The following KMT2C variants were observed in gnomAD, a reference collection of about 807,000 sequenced individuals.
The protein encoded by KMT2C is lysine methyltransferase 2C.
Under a neutral mutation model 507.9 loss-of-function variants are expected in KMT2C, and 88 were observed. The ratio of observed to expected loss-of-function variants is 0.17; its 90% CI spans 0.15 to 0.21. The LOEUF is 0.21. KMT2C is among the 10% of genes least tolerant of loss of function. KMT2C has a pLI of 1.00. For synonymous variants in KMT2C, 2,049 were observed against 2,080.8 expected (o/e 0.98, Z 0.42); for missense variants, 4,954 against 5,957.8 (o/e 0.83, Z 5.55).
At chr7:152,413,255 C>A (rs1199994385) in intron 1 of KMT2C, among the ~76,000 whole-genome samples, 1 of 152,094 alleles carries the variant, frequency 6.6e-6, no homozygotes, top group Admixed American at 6.6e-5. Context: ...GCTGGGACTA[C>A]TAACGCGGGC....
At chr7:152,336,260 GCTGTCTTTAA>G (rs2096934416) in intron 2 of KMT2C, among the ~76,000 whole-genome samples, 1 of 152,172 alleles carries the variant, frequency 6.6e-6, no homozygotes, top group African/African-American at 2.4e-5. Flanking sequence ...AATAACAGAA[GCTGTCTTTAA>G]CTGTCACTCT....
At position 152,355,310 on chromosome 7, in the gene KMT2C, C is replaced by T. The variant is rs145092405; in HGVS notation, c.250+3277G>A. ...ACAACAAAAATTTCCAGAGAGGACA[C>T]ACTAAATATGAGATCCTCTTCAGAC... On this transcript the variant is annotated intron_variant, in intron 2 of 58. Transcript: ENST00000262189. 4.4e-3 allele frequency among the ~76,000 whole-genome samples: 676 copies of T among 152,156 alleles called. 3 individuals carry two copies. Among genetic ancestry groups the T allele is most frequent in the African/African-American group, 0.016 (646 of 41,518 alleles).
Position 152,138,978 on chromosome 7 carries a change from T to C in KMT2C, c.14535-74A>G. 1 of 1,198,460 alleles carries C rather than the reference T, an allele frequency of 8.3e-7. No homozygotes were observed. Among genetic ancestry groups the C allele is most frequent in the Non-Finnish European group, 1.2e-6 (1 of 808,646 alleles). The allele number at this position is 1,198,460 out of a possible 1,614,324, so 74.2% of individuals were successfully genotyped here. A position where few individuals can be genotyped will look rare whatever the true frequency, so the allele number is the denominator to read the frequency against. Reference sequence around the variant, plus strand: ...GCTTTAAAAACTTCCCATTTATTGATAAAGCAGTTTTTGCTAATTAAATTT... The same window carrying C: ...GCTTTAAAAACTTCCCATTTATTGACAAAGCAGTTTTTGCTAATTAAATTT... On this transcript the variant is annotated intron_variant, in intron 57 of 58. Transcript: ENST00000262189. This position sits in a 1 kb window ranked among gnomAD's most constrained non-coding sequence, Gnocchi z 4.2.
intron 27 of KMT2C, among the ~76,000 whole-genome samples, chr7:152,197,024 T>C (rs552862179): frequency 1.3e-5 from 2 of 152,228 alleles, no homozygotes; most frequent in Admixed American, 6.5e-5. Flanking sequence ...GGCTGAAAGA[T>C]AGGAGATGAC....
intron 7 of KMT2C, among the ~76,000 whole-genome samples, chr7:152,272,943 T>C (rs79442780): frequency 2.0e-5 from 3 of 152,068 alleles, no homozygotes; most frequent in South Asian, 4.1e-4. Context: ...ATAAAAAAGA[T>C]TGAATAAAAT....
chr7:152,324,344 G>C (rs2096804101), intron 3 of KMT2C, among the ~76,000 whole-genome samples: 1 of 151,400 alleles, frequency 6.6e-6, no homozygotes, highest in South Asian at 2.1e-4. Context: ...ACAAATGAGA[G>C]TTAATCAAGG....
At chr7:152,300,868 G>A (rs549437643) in intron 6 of KMT2C, among the ~76,000 whole-genome samples, 1 of 152,114 alleles carries the variant, frequency 6.6e-6, no homozygotes, top group South Asian at 2.1e-4. Flanking sequence ...GACCATCCTA[G>A]CCAACATGGC....
intron 2 of KMT2C, among the ~76,000 whole-genome samples, chr7:152,341,864 G>C (rs1346085480): frequency 6.6e-6 from 1 of 152,152 alleles, no homozygotes; most frequent in Non-Finnish European, 1.5e-5. Flanking sequence ...TGAATTAGCA[G>C]CTAGACTCAA....
chr7:152,138,616 A>G lies in KMT2C; in HGVS notation c.14643+180T>C, dbSNP rs904091825. On this transcript the variant is annotated intron_variant, in intron 58 of 58. Coordinates refer to ENST00000262189, the MANE Select transcript of KMT2C (RefSeq NM_170606.3). This position sits in a 1 kb window ranked among gnomAD's most constrained non-coding sequence, Gnocchi z 4.2. The stretch of plus-strand genomic sequence containing the variant: ...GCTCACAGAGCTGCCATGTGGAGGA[A>G]GGTGAACTGGAGTGCCTGAAGGGTG... The G allele has an allele frequency of 4.1e-5, 21 of 510,694 alleles. No individual in the cohort carries two copies. The South Asian group carries it at 5.3e-4, about 13-fold the overall frequency. 31.6% of individuals were successfully genotyped at this position (510,694 alleles called of 1,614,324 possible).
chr7:152,385,607 G>A (rs1439485389), intron 1 of KMT2C, among the ~76,000 whole-genome samples: 1 of 31,488 alleles, frequency 3.2e-5, no homozygotes. Context: ...GCGAGACTCC[G>A]TCTCAAAAAA....
At chr7:152,377,197 GACAGC>G (rs1403621019) in intron 1 of KMT2C, among the ~76,000 whole-genome samples, 1 of 152,310 alleles carries the variant, frequency 6.6e-6, no homozygotes, top group Non-Finnish European at 1.5e-5. Flanking sequence ...TCTCCTGGAT[GACAGC>G]ACATCTGTTT....
At chr7:152,423,503 A>T (rs1204326596) in intron 1 of KMT2C, among the ~76,000 whole-genome samples, 1 of 152,160 alleles carries the variant, frequency 6.6e-6, no homozygotes, top group Non-Finnish European at 1.5e-5. Context: ...GCTTCATGGG[A>T]CATGCATGTA....
In KMT2C at chr7:152,262,905, T is replaced by C. The variant is rs909023929; in HGVS notation, c.1299+111A>G. On this transcript the variant is annotated intron_variant, in intron 9 of 58. Transcript: ENST00000262189. ...GTCAGTTATATGTCAATAAAGCTGT[T>C]TTTAAAAAGCTGATGGTGATGATGT... The C allele has an allele frequency of 6.9e-6, 5 of 724,722 alleles. No homozygotes were observed. Among genetic ancestry groups the C allele is most frequent in the South Asian group, 2.0e-5 (1 of 49,938 alleles). 44.9% of individuals were successfully genotyped at this position (724,722 alleles called of 1,614,324 possible). A position where few individuals can be genotyped will look rare whatever the true frequency, so the allele number is the denominator to read the frequency against.
Position 152,222,473 on chromosome 7 carries a change from A to T in KMT2C, c.3433+100T>A, listed in dbSNP as rs7793923. ...ACTTGTCAAAGTAAGTTTCACAAAGACAAAATAGAGTAGAGCTAAGCTAAT... is the reference window on the plus strand; with the variant it reads ...ACTTGTCAAAGTAAGTTTCACAAAGTCAAAATAGAGTAGAGCTAAGCTAAT... On this transcript the variant is annotated intron_variant, in intron 21 of 58. Coordinates refer to ENST00000262189, the MANE Select transcript of KMT2C (RefSeq NM_170606.3). 0.013 allele frequency: 7,467 copies of T among 580,530 alleles called. 458 individuals carry two copies. The African/African-American group carries it at 0.13, about 10-fold the overall frequency. The allele number at this position is 580,530 out of a possible 1,614,324, so 36.0% of individuals were successfully genotyped here. A position where few individuals can be genotyped will look rare whatever the true frequency, so the allele number is the denominator to read the frequency against.
chr7:152,351,969 T>C (rs769561290), intron 2 of KMT2C, among the ~76,000 whole-genome samples: 1 of 151,918 alleles, frequency 6.6e-6, no homozygotes, highest in Non-Finnish European at 1.5e-5. Context: ...ATAACAGCAA[T>C]GTTCAGGGAA....
intron 51 of KMT2C, 60 bp from the exon 52 acceptor site, chr7:152,149,212 CTTG>C: frequency 2.8e-6 from 4 of 1,429,106 alleles, no homozygotes; most frequent in Non-Finnish European, 2.7e-6. Flanking sequence ...GAAAGCAATT[CTTG>C]TTAAGACAAG....
chr7:152,208,290 CT>C (rs2094360179), intron 23 of KMT2C, among the ~76,000 whole-genome samples: 2 of 152,336 alleles, frequency 1.3e-5, no homozygotes, highest in South Asian at 4.1e-4. Context: ...CAAGCTCTTT[CT>C]TCCACTATCT....
intron 5 of KMT2C, among the ~76,000 whole-genome samples, chr7:152,311,349 G>A (rs998483584): frequency 2.0e-5 from 3 of 152,160 alleles, no homozygotes; most frequent in African/African-American, 4.8e-5. Flanking sequence ...TACAGAATGA[G>A]ATGTACTTTA....
chr7:152,296,503 T>C (rs997180474), intron 6 of KMT2C, among the ~76,000 whole-genome samples: 9 of 151,960 alleles, frequency 5.9e-5, no homozygotes, highest in African/African-American at 1.7e-4. Flanking sequence ...GGCAAGGATT[T>C]TTCCTTAATT....
Sources: gnomAD v4.1 joint callset for allele counts (sites outside exome capture counted in the v4.1 genomes callset) on GRCh38, gnomAD v4.1.1 for gene constraint, Gnocchi (gnomAD v3.1) non-coding constraint, MANE v1.5 for transcripts, NCBI Gene and HGNC (gene_info 2026-07-23, HGNC 2026-07-21) for gene names.